Variants in RNF170 observed in about 807,000 individuals in gnomAD.
RNF170 encodes ring finger protein 170.
Under a neutral mutation model 32.7 loss-of-function variants are expected in RNF170, and 12 were observed. The observed-to-expected ratio is 0.37, with a 90% confidence interval of 0.24 to 0.60. The LOEUF (loss-of-function observed/expected upper bound fraction) is 0.60, where lower values mean the gene tolerates loss of function less well. Among genes scored for constraint, RNF170 ranks in the 20% least tolerant of loss-of-function variants. The probability of loss-of-function intolerance (pLI) is 0.72; values close to 1 mark genes in which losing one functional copy is unlikely to be tolerated. For missense variants in RNF170, 212 were observed against 311.2 expected (o/e 0.68, Z 2.40); for synonymous variants, 91 against 103.6 (o/e 0.88, Z 0.74).
chr8:42,890,979 T>A lies in RNF170; in HGVS notation c.-7-3108A>T, dbSNP rs11775022. On this transcript the variant is annotated intron_variant, in intron 1 of 6. Transcript: ENST00000527424. Reference sequence around the variant, plus strand: ...TAAACAGGAAACAAAATTTCCTACTTGGGGAGATGACATAATACCTCAGTC... The same window carrying A: ...TAAACAGGAAACAAAATTTCCTACTAGGGGAGATGACATAATACCTCAGTC... 7.3e-3 allele frequency among the ~76,000 whole-genome samples: 1,107 copies of A among 152,294 alleles called. 9 individuals are homozygous for A. The highest frequency in any genetic ancestry group is 0.012 in the Non-Finnish European group (791 of 68,026).
intron 4 of RNF170, among the ~76,000 whole-genome samples, chr8:42,868,463 G>A (rs928548352): frequency 1.3e-4 from 20 of 152,186 alleles, no homozygotes; most frequent in Non-Finnish European, 1.5e-5. Flanking sequence ...TCTAGTGATT[G>A]GACAAATCGA....
At chr8:42,864,614 T>G (rs927695741) in intron 5 of RNF170, among the ~76,000 whole-genome samples, 5 of 152,094 alleles carry the variant, frequency 3.3e-5, no homozygotes, top group African/African-American at 1.2e-4. Flanking sequence ...CATGCTTACT[T>G]ACTGCCTCCC....
At chr8:42,877,940 T>G (rs1805083053) in intron 2 of RNF170, among the ~76,000 whole-genome samples, 1 of 152,248 alleles carries the variant, frequency 6.6e-6, no homozygotes, top group Non-Finnish European at 1.5e-5. Context: ...TTTTACAAAC[T>G]GAAGGTTGTG....
Position 42,861,875 on chromosome 8 carries a change from A to T in RNF170, c.397-20T>A. 6.3e-7 allele frequency: 1 copy of T among 1,587,138 alleles called. No homozygotes were observed. Among genetic ancestry groups the T allele is most frequent in the Non-Finnish European group, 8.6e-7 (1 of 1,166,334 alleles). ...GGTTACCTGTATATTACAGAAAAAAAAATTATTTCAACTTTCTGCATCATT... is the reference window on the plus strand; with the variant it reads ...GGTTACCTGTATATTACAGAAAAAATAATTATTTCAACTTTCTGCATCATT... On this transcript the variant is annotated intron_variant, in intron 5 of 6. Coordinates refer to ENST00000527424, the MANE Select transcript of RNF170 (RefSeq NM_030954.4).
chr8:42,896,112 G>C (rs1305113449), intron 1 of RNF170: 1 of 215,708 alleles, frequency 4.6e-6, no homozygotes, highest in African/African-American at 2.4e-5. Flanking sequence ...CGAACGCTGA[G>C]AAACGCAGGC....
rs531872632 is a variant in RNF170, at chr8:42,873,748, A to G, written c.213+183T>C. On this transcript the variant is annotated intron_variant, in intron 3 of 6. Coordinates refer to ENST00000527424, the MANE Select transcript of RNF170 (RefSeq NM_030954.4). ...TAATAAACAAACATGAAGACATCTG[A>G]ATAGATTAAGGCTAGGCAATTTGCC... Among the ~76,000 whole-genome samples, 4 of 152,370 alleles carry G rather than the reference A, an allele frequency of 2.6e-5. No individual in the cohort carries two copies. The East Asian group carries it at 7.7e-4, about 29-fold the overall frequency.
chr8:42,858,097 T>C (rs1290555073), intron 6 of RNF170, among the ~76,000 whole-genome samples: 1 of 152,166 alleles, frequency 6.6e-6, no homozygotes, highest in Admixed American at 6.5e-5. Context: ...TGGTAGCTCT[T>C]AAATTTGAAA....
upstream of RNF170, chr8:42,896,708 C>A (rs1484920659): frequency 7.3e-6 from 2 of 275,644 alleles, no homozygotes; most frequent in South Asian, 2.6e-5. Flanking sequence ...GTGCTCGCCT[C>A]GACACGCAGC....
intron 2 of RNF170, among the ~76,000 whole-genome samples, chr8:42,883,570 G>GA (rs34475440): frequency 5.3e-3 from 231 of 43,730 alleles, no homozygotes; most frequent in East Asian, 8.0e-3. Flanking sequence ...CTCTGTCTCA[G>GA]AAAAAAAAAA....
Position 42,854,035 on chromosome 8 carries a change from C to G in RNF170, c.*2124G>C, listed in dbSNP as rs1444497902. ...TGTGTAATTGGTAGGAAATGCATTTCCAGTCTGGTACATGGCAGTGTGACA... is the reference window on the plus strand; with the variant it reads ...TGTGTAATTGGTAGGAAATGCATTTGCAGTCTGGTACATGGCAGTGTGACA... On this transcript the variant is annotated 3_prime_UTR_variant, in exon 7 of 7. Transcript: ENST00000527424. 7.8e-7 allele frequency: 1 copy of G among 1,287,090 alleles called. No individual in the cohort carries two copies. The highest frequency in any genetic ancestry group is 1.0e-6 in the Non-Finnish European group (1 of 988,694). The allele number at this position is 1,287,090 out of a possible 1,614,324, so 79.7% of individuals were successfully genotyped here.
intron 2 of RNF170, among the ~76,000 whole-genome samples, chr8:42,884,703 CT>C (rs535200241): frequency 7.6e-4 from 109 of 142,602 alleles, no homozygotes; most frequent in East Asian, 3.5e-3. Context: ...TAAATGAATT[CT>C]TTTTTTTTTT....
chr8:42,862,709 T>G (rs1438280477), intron 5 of RNF170, among the ~76,000 whole-genome samples: 1 of 152,156 alleles, frequency 6.6e-6, no homozygotes, highest in Non-Finnish European at 1.5e-5. Context: ...GCACAGAAGG[T>G]GGTGAGAACA....
At position 42,853,665 on chromosome 8, in the gene RNF170, C is replaced by CG. The variant is rs1563650889; in HGVS notation, c.*2493dup. 1 of 1,286,192 alleles carries CG rather than the reference C, an allele frequency of 7.8e-7. No homozygotes were observed. Among genetic ancestry groups the CG allele is most frequent in the Non-Finnish European group, 1.0e-6 (1 of 988,112 alleles). 79.7% of individuals were successfully genotyped at this position (1,286,192 alleles called of 1,614,324 possible). ...ATTTATATGATCTAACTCTGAATCA[C>CG]GGAAGTATTACTATGATGTTCAAAA... On this transcript the variant is annotated 3_prime_UTR_variant, in exon 7 of 7. Transcript: ENST00000527424.
At chr8:42,876,602 A>G (rs1399784739) in intron 2 of RNF170, among the ~76,000 whole-genome samples, 1 of 151,976 alleles carries the variant, frequency 6.6e-6, no homozygotes, top group East Asian at 1.9e-4. Context: ...GAACTGTGAG[A>G]AATAAATGTT....
intron 2 of RNF170, among the ~76,000 whole-genome samples, chr8:42,875,778 T>C (rs932832336): frequency 1.3e-5 from 2 of 152,226 alleles, no homozygotes; most frequent in Admixed American, 6.5e-5. Flanking sequence ...GGTTTCACCA[T>C]GTTGGCCAGG....
At chr8:42,861,542 C>G (rs1293523649) in intron 6 of RNF170, 1 of 539,046 alleles carries the variant, frequency 1.9e-6, no homozygotes, top group African/African-American at 1.9e-5. Context: ...GGGGTTTCAT[C>G]ATGTTTCCAA....
At chr8:42,859,546 G>A (rs751582549) in intron 6 of RNF170, among the ~76,000 whole-genome samples, 3 of 152,192 alleles carry the variant, frequency 2.0e-5, no homozygotes, top group Non-Finnish European at 4.4e-5. Flanking sequence ...AGGATGGCCT[G>A]AGCTTGGAAG....
Position 42,854,659 on chromosome 8 carries a change from C to T in RNF170, c.*1500G>A, listed in dbSNP as rs1251704521. 7.8e-7 allele frequency: 1 copy of T among 1,287,218 alleles called. No individual in the cohort carries two copies. Among genetic ancestry groups the T allele is most frequent in the African/African-American group, 1.5e-5 (1 of 65,898 alleles). 79.7% of individuals were successfully genotyped at this position (1,287,218 alleles called of 1,614,324 possible). A position where few individuals can be genotyped will look rare whatever the true frequency, so the allele number is the denominator to read the frequency against. On this transcript the variant is annotated 3_prime_UTR_variant, in exon 7 of 7. Coordinates refer to ENST00000527424, the MANE Select transcript of RNF170 (RefSeq NM_030954.4). ...CTAGAGAGAATGTGACAGATTTTCT[C>T]CTTATCTCCCAGTCTGCATATAGTG...
chr8:42,897,229 C>T, upstream of RNF170: 1 of 1,203,772 alleles, frequency 8.3e-7, no homozygotes. Flanking sequence ...CCCCCTCCCC[C>T]CGCCACCTAC....
Sources: allele counts gnomAD v4.1 joint callset (sites outside exome capture counted in the v4.1 genomes callset), GRCh38; gene constraint gnomAD v4.1.1; transcripts MANE v1.5; gene names NCBI Gene and HGNC (gene_info 2026-07-23, HGNC 2026-07-21).